The following BRD4 variants were observed in gnomAD, a reference collection of about 807,000 sequenced individuals.
The protein encoded by BRD4 is bromodomain-containing protein 4.
BRD4 carries 16 observed loss-of-function variants against 142.1 expected under a neutral mutation model. The observed-to-expected ratio is 0.11, with a 90% CI of 0.08 to 0.17. The LOEUF (loss-of-function observed/expected upper bound fraction) is 0.17. Ranked by LOEUF, BRD4 falls within the 10% of genes least tolerant of loss-of-function variation. The pLI is 1.00. For synonymous variants in BRD4, 833 were observed against 707.5 expected, an observed-to-expected ratio of 1.18 and a Z score of -2.82; for missense variants, 1,424 against 1,810.9, an observed-to-expected ratio of 0.79 and a Z score of 3.88.
At chr19:15,319,572 C>T (rs541136318) in intron 1 of BRD4, among the ~76,000 whole-genome samples, 60 of 151,722 alleles carry the variant, frequency 4.0e-4, no homozygotes, top group African/African-American at 1.4e-3. Context: ...CAAGATCATG[C>T]CACTGCACTC....
chr19:15,316,681 T>C (rs950921444), intron 1 of BRD4, among the ~76,000 whole-genome samples: 2 of 152,210 alleles, frequency 1.3e-5, no homozygotes, highest in Non-Finnish European at 2.9e-5. Flanking sequence ...AAGATGAGGT[T>C]AAATTCCACT....
intron 1 of BRD4, among the ~76,000 whole-genome samples, chr19:15,319,178 A>AT (rs1022777071): frequency 2.6e-5 from 4 of 152,146 alleles, no homozygotes; most frequent in African/African-American, 9.7e-5. Context: ...CCTTCAAAAA[A>AT]TAAAAAAAAG....
intron 14 of BRD4, among the ~76,000 whole-genome samples, chr19:15,241,265 A>G (rs1234530618): frequency 6.6e-6 from 1 of 150,542 alleles, no homozygotes; most frequent in African/African-American, 2.4e-5. Flanking sequence ...CCACAGGCAC[A>G]TGACTGCAAC....
At chr19:15,278,104 TCAAAAAAAAAAAAAAAAAA>T (rs1568395077) in intron 1 of BRD4, among the ~76,000 whole-genome samples, 1 of 31,638 alleles carries the variant, frequency 3.2e-5, no homozygotes, top group African/African-American at 1.5e-4. Context: ...AGACTCCGTC[TCAAAAAAAAAAAAAAAAAA>T]AAAAAAAAAA....
At chr19:15,323,990 G>A (rs1263720086) in intron 1 of BRD4, among the ~76,000 whole-genome samples, 2 of 152,346 alleles carry the variant, frequency 1.3e-5, no homozygotes, top group African/African-American at 2.4e-5. Flanking sequence ...TTTTACAGAA[G>A]AGAAAACTGA....
chr19:15,323,066 A>T (rs902705874), intron 1 of BRD4, among the ~76,000 whole-genome samples: 4 of 151,210 alleles, frequency 2.6e-5, no homozygotes, highest in East Asian at 3.9e-4. Context: ...ACAAACAAAC[A>T]AAAATACAAA....
chr19:15,325,997 CAAAAAAA>C (rs35801340), intron 1 of BRD4, among the ~76,000 whole-genome samples: 1,077 of 50,724 alleles, frequency 0.021, 17 homozygotes, highest in African/African-American at 0.073. Flanking sequence ...GACTCCGTCT[CAAAAAAA>C]AAAAAAAAAA....
chr19:15,238,728 G>A lies in BRD4; in HGVS notation c.4020+15C>T. 1.3e-6 allele frequency: 2 copies of A among 1,506,970 alleles called. No individual in the cohort carries two copies. Among genetic ancestry groups the A allele is most frequent in the African/African-American group, 1.4e-5 (1 of 72,074 alleles). The allele number at this position is 1,506,970 out of a possible 1,614,324, so 93.3% of individuals were successfully genotyped here. ...AATCCTTAGACCAGGGTCCCCACCA[G>A]GCCTCCAGACTCACGGCTTCCCGGC... On this transcript the variant is annotated intron_variant, in intron 19 of 19. Transcript: ENST00000679869. The surrounding 1 kb of genome is among the most constrained non-coding windows in gnomAD (Gnocchi z 7.2).
chr19:15,309,100 G>A (rs1193356513), intron 1 of BRD4, among the ~76,000 whole-genome samples: 1 of 151,952 alleles, frequency 6.6e-6, no homozygotes, highest in East Asian at 1.9e-4. Flanking sequence ...ACTTTGGGAG[G>A]CTGAGGCGAG....
intron 1 of BRD4, among the ~76,000 whole-genome samples, chr19:15,324,184 G>C (rs1234015070): frequency 2.0e-5 from 3 of 152,112 alleles, no homozygotes; most frequent in African/African-American, 4.8e-5. Context: ...ACACTGGGCA[G>C]AACAGGCTAA....
chr19:15,299,207 C>T (rs2145683901), intron 1 of BRD4, among the ~76,000 whole-genome samples: 1 of 152,226 alleles, frequency 6.6e-6, no homozygotes, highest in East Asian at 1.9e-4. Flanking sequence ...GGGAGAAGGC[C>T]CCATCACTCT....
In BRD4 at chr19:15,244,493, T is replaced by C; in HGVS notation, c.2319A>G (p.Gln773=). The change falls in exon 13 of 20, where the codon CAA becomes CAG. Residue 773 remains glutamine (Q), a synonymous_variant. Coordinates refer to ENST00000679869, the MANE Select transcript of BRD4 (RefSeq NM_001379291.1). ...GGGGAGGCGGGGGTGGCGGCTGCTG[T>C]TGCTGCTGCGGAGGTGGAGGCGGTG... The part of the protein sequence containing the change: ...QPPPPPPPQQ[Q]QQPPPPPPPP... 6.8e-7 allele frequency: 1 copy of C among 1,465,620 alleles called. No homozygotes were observed. Among genetic ancestry groups the C allele is most frequent in the African/African-American group, 1.5e-5 (1 of 68,496 alleles). 90.8% of individuals were successfully genotyped at this position (1,465,620 alleles called of 1,614,324 possible).
chr19:15,265,283 G>A lies in BRD4; in HGVS notation c.849+71C>T, dbSNP rs1428232467. 2.0e-5 allele frequency: 27 copies of A among 1,381,162 alleles called. No homozygotes were observed. The East Asian group carries it at 6.1e-4, about 31-fold the overall frequency. The allele number at this position is 1,381,162 out of a possible 1,614,324, so 85.6% of individuals were successfully genotyped here. A position where few individuals can be genotyped will look rare whatever the true frequency, so the allele number is the denominator to read the frequency against. Reference sequence around the variant, plus strand: ...GCCCGGGACCCAGGACAGGCTCTGTGTAAAGCACGGGCAAGGACAGGGCCG... The same window carrying A: ...GCCCGGGACCCAGGACAGGCTCTGTATAAAGCACGGGCAAGGACAGGGCCG... On this transcript the variant is annotated intron_variant, in intron 5 of 19. Coordinates refer to ENST00000679869, the MANE Select transcript of BRD4 (RefSeq NM_001379291.1).
At chr19:15,321,353 C>T (rs1243976132) in intron 1 of BRD4, among the ~76,000 whole-genome samples, 1 of 150,134 alleles carries the variant, frequency 6.7e-6, no homozygotes, top group African/African-American at 2.5e-5. Flanking sequence ...ATCTAGCATG[C>T]CTCTTATCAA....
chr19:15,302,772 G>T (rs1002954098), intron 1 of BRD4, among the ~76,000 whole-genome samples: 1 of 151,502 alleles, frequency 6.6e-6, no homozygotes, highest in African/African-American at 2.4e-5. Context: ...TTGGGAGGCC[G>T]AGGCGGGCGC....
At chr19:15,275,806 A>T (rs1194640332) in intron 1 of BRD4, 1 of 152,122 alleles carries the variant, frequency 6.6e-6, no homozygotes, top group Non-Finnish European at 1.5e-5. Context: ...CAGGAATTGG[A>T]GATGAGCCTG....
chr19:15,257,178 T>C lies in BRD4; in HGVS notation c.1342-5A>G. On this transcript the variant is annotated splice_region_variant and splice_polypyrimidine_tract_variant and intron_variant, in intron 7 of 19. Transcript: ENST00000679869. ...AAAGCGCATTTCGAACACATCCTGG[T>C]GAGGGAAAGACATGCTGTGACGGCT... 1.2e-6 allele frequency: 2 copies of C among 1,600,526 alleles called. No homozygotes were observed. The highest frequency in any genetic ancestry group is 1.1e-5 in the South Asian group (1 of 89,076).
At chr19:15,292,092 C>CA (rs2047786416) in intron 1 of BRD4, among the ~76,000 whole-genome samples, 2 of 152,280 alleles carry the variant, frequency 1.3e-5, no homozygotes, top group South Asian at 4.1e-4. Flanking sequence ...CTCAGCTAAT[C>CA]AAAGCCACAT....
At chr19:15,294,716 GC>G (rs1452048680) in intron 1 of BRD4, among the ~76,000 whole-genome samples, 1 of 152,190 alleles carries the variant, frequency 6.6e-6, no homozygotes, top group African/African-American at 2.4e-5. Context: ...ATGGCTGGGT[GC>G]CATGGCTAAT....
Sources: allele counts gnomAD v4.1 joint callset (sites outside exome capture counted in the v4.1 genomes callset), GRCh38; gene constraint gnomAD v4.1.1; non-coding constraint Gnocchi (gnomAD v3.1); transcripts MANE v1.5; gene names NCBI Gene and HGNC (gene_info 2026-07-23, HGNC 2026-07-21).